The following GTSE1 variants were observed in gnomAD, a reference collection of about 807,000 sequenced individuals.
GTSE1 encodes G2 and S phase-expressed protein 1.
GTSE1 carries 52 observed loss-of-function variants against 60.5 expected under a neutral mutation model. The ratio of observed to expected loss-of-function variants is 0.86; its 90% CI spans 0.69 to 1.08. The LOEUF (loss-of-function observed/expected upper bound fraction) is 1.08. GTSE1 is among the 50% of genes least tolerant of loss of function. The pLI is 0.00. For missense variants in GTSE1, 937 were observed against 961.8 expected (o/e 0.97, Z 0.34); for synonymous variants, 368 against 386.5 (o/e 0.95, Z 0.56).
chr22:46,308,301 C>G lies in GTSE1; in HGVS notation c.138-18C>G. The G allele has an allele frequency of 1.9e-6, 3 of 1,610,312 alleles. No individual in the cohort carries two copies. The highest frequency in any genetic ancestry group is 2.5e-6 in the Non-Finnish European group (3 of 1,177,234). ...CCAGTGTTATGAGTTATTAATCATT[C>G]TTTTTTTAAACAAATAGTGCAAATG... On this transcript the variant is annotated intron_variant, in intron 3 of 11. Transcript: ENST00000454366.
intron 2 of GTSE1, 65 bp from the exon 3 acceptor site, chr22:46,308,085 G>A: frequency 9.7e-7 from 1 of 1,031,264 alleles, no homozygotes; most frequent in South Asian, 1.3e-5. Flanking sequence ...AAGCCATAGA[G>A]CCTGGTAATA....
intron 4 of GTSE1, among the ~76,000 whole-genome samples, chr22:46,311,772 A>G (rs1282464534): frequency 6.6e-6 from 1 of 152,246 alleles, no homozygotes; most frequent in Non-Finnish European, 1.5e-5. Context: ...TGACCATTTA[A>G]TGGATGAGTC....
Position 46,314,126 on chromosome 22 carries a change from C to A in GTSE1, c.1051+113C>A. The stretch of plus-strand genomic sequence containing the variant: ...ACCACTTAGGCTTGGCAGGACGTCC[C>A]GGAGGGCGTGCTGTGTGCGGTGGAC... On this transcript the variant is annotated intron_variant, in intron 6 of 11. Transcript: ENST00000454366. The surrounding 1 kb of genome is among the most constrained non-coding windows in gnomAD (Gnocchi z 7.1). 1 of 1,338,180 alleles carries A rather than the reference C, an allele frequency of 7.5e-7. No individual in the cohort carries two copies. The highest frequency in any genetic ancestry group is 2.3e-5 in the East Asian group (1 of 42,704). 82.9% of individuals were successfully genotyped at this position (1,338,180 alleles called of 1,614,324 possible).
In GTSE1 at chr22:46,316,165, G is replaced by A; in HGVS notation, c.1185G>A (p.Trp395Ter). Residue 395 changes from tryptophan to a stop codon, truncating the protein, a stop_gained, in exon 7 of 12, where the codon TGG becomes TGA. Transcript: ENST00000454366. LOFTEE classifies it high-confidence loss of function. The surrounding 1 kb of genome is among the most constrained non-coding windows in gnomAD (Gnocchi z 5.0). ...CAGGCCCTGTGGGGGCATCCTCCTG[G>A]CAGGCCAAGCGGGTCGATGTTTCTG... ...LPAGPVGASS[W>*]QAKRVDVSEL... 6.2e-7 allele frequency: 1 copy of A among 1,612,540 alleles called. No homozygotes were observed. The highest frequency in any genetic ancestry group is 1.1e-5 in the South Asian group (1 of 90,978).
chr22:46,326,286 C>G (rs1220241421), intron 8 of GTSE1, 150 bp from the exon 9 acceptor site: 2 of 628,410 alleles, frequency 3.2e-6, no homozygotes, highest in African/African-American at 3.7e-5. Flanking sequence ...TGGGGCCTGT[C>G]CCAGGAGAGC....
At position 46,321,840 on chromosome 22, in the gene GTSE1, C is replaced by T. The variant is rs1420347251; in HGVS notation, c.1433-1350C>T. Reference sequence around the variant, plus strand: ...CTGTAATCCCAGCACTTTGGGAGGCCGAGGCGGGCAATCACTTGAGGTCAG... The same window carrying T: ...CTGTAATCCCAGCACTTTGGGAGGCTGAGGCGGGCAATCACTTGAGGTCAG... On this transcript the variant is annotated intron_variant, in intron 7 of 11. Coordinates refer to ENST00000454366, the MANE Select transcript of GTSE1 (RefSeq NM_016426.7). This position sits in a 1 kb window ranked among gnomAD's most constrained non-coding sequence, Gnocchi z 4.0. Among the ~76,000 whole-genome samples, 1 of 152,006 alleles carries T rather than the reference C, an allele frequency of 6.6e-6. No homozygotes were observed. Among genetic ancestry groups the T allele is most frequent in the Non-Finnish European group, 1.5e-5 (1 of 67,986 alleles).
At position 46,320,425 on chromosome 22, in the gene GTSE1, C is replaced by T. The variant is rs574729510; in HGVS notation, c.1433-2765C>T. Among the ~76,000 whole-genome samples the T allele has an allele frequency of 2.5e-4, 38 of 152,312 alleles. No homozygotes were observed. The South Asian group carries it at 6.8e-3, about 27-fold the overall frequency. On this transcript the variant is annotated intron_variant, in intron 7 of 11. Coordinates refer to ENST00000454366, the MANE Select transcript of GTSE1 (RefSeq NM_016426.7). This position sits in a 1 kb window ranked among gnomAD's most constrained non-coding sequence, Gnocchi z 7.1. ...AACTCAGCACTGGCCGGAAGAGAGG[C>T]CCCAGGGGAGCAGCCACGCTGTTGG...
At chr22:46,300,193 G>A (rs1456547715) in intron 2 of GTSE1, among the ~76,000 whole-genome samples, 1 of 151,940 alleles carries the variant, frequency 6.6e-6, no homozygotes, top group Non-Finnish European at 1.5e-5. Context: ...CGTCTCCTGG[G>A]TTCAAGTGAT....
Position 46,308,672 on chromosome 22 carries a change from A to G in GTSE1, c.491A>G (p.Glu164Gly), listed in dbSNP as rs2077730097. The G allele has an allele frequency of 6.2e-7, 1 of 1,614,032 alleles. No homozygotes were observed. Among genetic ancestry groups the G allele is most frequent in the East Asian group, 2.2e-5 (1 of 44,896 alleles). ...AAAAGCCCCACGTCTCTTAAAAGGG[A>G]GACATACTACCTGTCAGACAGCCCC... Reference protein sequence around the residue: ...MKKSPTSLKRETYYLSDSPLL... With the variant: ...MKKSPTSLKRGTYYLSDSPLL... The change falls in exon 4 of 12, where the codon GAG becomes GGG. Residue 164 changes from glutamate to glycine, a missense_variant. Glu to Gly is a moderately conservative substitution (Grantham distance 98). Transcript: ENST00000454366.
intron 5 of GTSE1, among the ~76,000 whole-genome samples, chr22:46,312,921 G>A (rs901788151): frequency 6.6e-6 from 1 of 151,642 alleles, no homozygotes; most frequent in African/African-American, 2.4e-5. Context: ...TCAGCACTTT[G>A]GGAGGCTGAG....
intron 9 of GTSE1, 140 bp downstream of exon 9, chr22:46,326,794 T>A: frequency 1.7e-6 from 1 of 597,308 alleles, no homozygotes; most frequent in Non-Finnish European, 2.9e-6. Context: ...TTTTTTTTCA[T>A]TGCAAAGAGA....
At position 46,297,525 on chromosome 22, in the gene GTSE1, T is replaced by G. The variant is rs112496504; in HGVS notation, c.79+46T>G. On this transcript the variant is annotated intron_variant, in intron 2 of 11. Transcript: ENST00000454366. The surrounding 1 kb of genome is among the most constrained non-coding windows in gnomAD (Gnocchi z 4.9). ...CGCTGTTGTTGTTCAGGATGTTCAG[T>G]AGAGATGGAGGGTGATTTAATGTTT... 2.8e-5 allele frequency: 36 copies of G among 1,282,462 alleles called. No homozygotes were observed. In the African/African-American group the frequency reaches 3.7e-4, roughly 13 times the overall value. 79.4% of individuals were successfully genotyped at this position (1,282,462 alleles called of 1,614,324 possible).
intron 8 of GTSE1, 22 bp downstream of exon 8, chr22:46,323,284 C>G (rs2077824879): frequency 5.1e-6 from 8 of 1,574,748 alleles, no homozygotes; most frequent in Non-Finnish European, 5.2e-6. Flanking sequence ...TGGTCCGCTT[C>G]CTCTCTTTAT....
chr22:46,312,221 C>A lies in GTSE1; in HGVS notation c.843C>A (p.Asp281Glu), dbSNP rs1461708960. ...AATCCCACCGGGATGTTCTCCCTGA[C>A]AAACCTGCCCCGGGTGCTGTCAATG... ...EKESHRDVLP[D>E]KPAPGAVNVP... Residue 281 changes from aspartate (D) to glutamate (E), a missense_variant, in exon 5 of 12, where the codon GAC (aspartate) becomes GAA (glutamate). By Grantham distance (45) the Asp-to-Glu change is conservative. Transcript: ENST00000454366. 3 of 1,614,048 alleles carry A rather than the reference C, an allele frequency of 1.9e-6. No individual in the cohort carries two copies. Among genetic ancestry groups the A allele is most frequent in the African/African-American group, 2.7e-5 (2 of 74,932 alleles).
Position 46,313,814 on chromosome 22 carries a change from C to T in GTSE1, c.928-76C>T, listed in dbSNP as rs894202534. 2 of 1,557,416 alleles carry T rather than the reference C, an allele frequency of 1.3e-6. No individual in the cohort carries two copies. The highest frequency in any genetic ancestry group is 2.7e-5 in the African/African-American group (2 of 73,578). ...GAGCCACCGTGCCCAGCCAAAAACC[C>T]CTTACTTTTGCAGACACAAGTAATA... On this transcript the variant is annotated intron_variant, in intron 5 of 11. Coordinates refer to ENST00000454366, the MANE Select transcript of GTSE1 (RefSeq NM_016426.7). The surrounding 1 kb of genome is among the most constrained non-coding windows in gnomAD (Gnocchi z 4.4).
rs201815677 is a variant in GTSE1, at chr22:46,326,464, C to T, written c.1534C>T (p.Arg512Cys). Residue 512 changes from arginine to cysteine, a missense_variant, in exon 9 of 12, where the codon CGC becomes TGC. Physicochemically the swap from Arg to Cys is radical, Grantham distance 180. Coordinates refer to ENST00000454366, the MANE Select transcript of GTSE1 (RefSeq NM_016426.7). Reference protein sequence around the residue: ...RVTVHSTPVRRSSGPAPQSLL... With the variant: ...RVTVHSTPVRCSSGPAPQSLL... Reference sequence around the variant, plus strand: ...CACTGTCCACAGCACCCCGGTTAGACGCTCATCTGGGCCAGCACCACAAAG... The same window carrying T: ...CACTGTCCACAGCACCCCGGTTAGATGCTCATCTGGGCCAGCACCACAAAG... The T allele has an allele frequency of 1.2e-5, 20 of 1,608,930 alleles. No homozygotes were observed. Among genetic ancestry groups the T allele is most frequent in the African/African-American group, 2.7e-5 (2 of 74,880 alleles).
Position 46,308,430 on chromosome 22 carries a change from A to T in GTSE1, c.249A>T (p.Thr83=), listed in dbSNP as rs149168437. The T allele has an allele frequency of 6.2e-7, 1 of 1,614,052 alleles. No homozygotes were observed. Among genetic ancestry groups the T allele is most frequent in the African/African-American group, 1.3e-5 (1 of 74,926 alleles). The part of the protein sequence containing the change: ...NPVPEQPPLP[T]SESPFAWSPL... ...TTCCCGAACAGCCTCCGTTGCCCACATCTGAGAGTCCCTTTGCCTGGAGCC... is the reference window on the plus strand; with the variant it reads ...TTCCCGAACAGCCTCCGTTGCCCACTTCTGAGAGTCCCTTTGCCTGGAGCC... Residue 83 remains threonine (T), a synonymous_variant, in exon 4 of 12, where the codon ACA becomes ACT. Coordinates refer to ENST00000454366, the MANE Select transcript of GTSE1 (RefSeq NM_016426.7).
Position 46,309,984 on chromosome 22 carries a change from A to T in GTSE1, c.762+1041A>T, listed in dbSNP as rs2077739371. On this transcript the variant is annotated intron_variant, in intron 4 of 11. Transcript: ENST00000454366. This position sits in a 1 kb window ranked among gnomAD's most constrained non-coding sequence, Gnocchi z 6.2. Reference sequence around the variant, plus strand: ...GATTTGGGCTGCTCCAGACCCATCGAAGTATCTCTTTTGATCTCCTGGTCC... The same window carrying T: ...GATTTGGGCTGCTCCAGACCCATCGTAGTATCTCTTTTGATCTCCTGGTCC... 6.6e-6 allele frequency among the ~76,000 whole-genome samples: 1 copy of T among 152,140 alleles called. No individual in the cohort carries two copies. Among genetic ancestry groups the T allele is most frequent in the Non-Finnish European group, 1.5e-5 (1 of 68,016 alleles).
chr22:46,326,465 G>C lies in GTSE1; in HGVS notation c.1535G>C (p.Arg512Pro). ...ACTGTCCACAGCACCCCGGTTAGAC[G>C]CTCATCTGGGCCAGCACCACAAAGC... Reference protein sequence around the residue: ...RVTVHSTPVRRSSGPAPQSLL... With the variant: ...RVTVHSTPVRPSSGPAPQSLL... The change falls in exon 9 of 12, where the codon CGC (arginine) becomes CCC (proline). Residue 512 changes from arginine (R) to proline (P), a missense_variant. Physicochemically the swap from Arg to Pro is moderately radical, Grantham distance 103 (BLOSUM62 -2). Transcript: ENST00000454366. 6.2e-7 allele frequency: 1 copy of C among 1,608,870 alleles called. No homozygotes were observed. The highest frequency in any genetic ancestry group is 1.7e-5 in the Admixed American group (1 of 59,872).
Sources: allele counts gnomAD v4.1 joint callset (sites outside exome capture counted in the v4.1 genomes callset), GRCh38; gene constraint gnomAD v4.1.1; non-coding constraint Gnocchi (gnomAD v3.1); transcripts MANE v1.5; gene names NCBI Gene and HGNC (gene_info 2026-07-23, HGNC 2026-07-21).